PTPRH: variants seen among roughly 807,000 people sequenced by gnomAD.
PTPRH encodes the protein protein tyrosine phosphatase receptor type H, also known as receptor-type tyrosine-protein phosphatase H.
PTPRH carries 113 observed loss-of-function variants against 130.2 expected under a neutral mutation model. The ratio of observed to expected loss-of-function variants is 0.87; its 90% CI spans 0.75 to 1.01. PTPRH has a LOEUF of 1.01. PTPRH is among the 50% of genes least tolerant of loss of function. PTPRH has a pLI of 0.00. For missense variants in PTPRH, 1,430 were observed against 1,425.0 expected, an observed-to-expected ratio of 1.00 and a Z score of -0.06; for synonymous variants, 556 against 577.9, an observed-to-expected ratio of 0.96 and a Z score of 0.54.
chr19:55,190,270 T>C (rs1360876938), intron 12 of PTPRH, among the ~76,000 whole-genome samples: 1 of 149,038 alleles, frequency 6.7e-6, no homozygotes, highest in Admixed American at 6.8e-5. Context: ...CTCGGGAGGC[T>C]GAGGCAGTAG....
At chr19:55,200,823 G>A (rs1432111704) in intron 6 of PTPRH, among the ~76,000 whole-genome samples, 1 of 152,014 alleles carries the variant, frequency 6.6e-6, no homozygotes, top group Non-Finnish European at 1.5e-5. Flanking sequence ...GGTGCCTGTA[G>A]TCCCAGCTAC....
chr19:55,190,870 C>G (rs969249323), intron 12 of PTPRH, among the ~76,000 whole-genome samples: 13 of 151,804 alleles, frequency 8.6e-5, no homozygotes, highest in Admixed American at 7.2e-4. Flanking sequence ...GAGACGGAGT[C>G]TCGATCTGTC....
At chr19:55,194,248 G>A in intron 10 of PTPRH, 7 of 1,289,770 alleles carry the variant, frequency 5.4e-6, no homozygotes, top group Non-Finnish European at 7.1e-6. Context: ...CAAGCCTATG[G>A]CCCATCTTCA....
Position 55,196,696 on chromosome 19 carries a change from C to G in PTPRH, c.2083G>C (p.Ala695Pro), listed in dbSNP as rs763172516. 6.2e-7 allele frequency: 1 copy of G among 1,614,138 alleles called. No individual in the cohort carries two copies. The highest frequency in any genetic ancestry group is 2.2e-5 in the East Asian group (1 of 44,862). Residue 695 changes from alanine (A) to proline (P), a missense_variant, in exon 10 of 20, where the codon GCC becomes CCC. Ala to Pro is a conservative substitution (Grantham distance 27). Transcript: ENST00000376350. ...IWSCPQGGYE[A>P]FELEVGGQRG... ...TGTCCTCCCACCTCCAACTCAAAGG[C>G]CTCGTAGCCTCCCTGGGGGCAGGAC...
rs994042021 is a variant in PTPRH, at chr19:55,200,392, C to G, written c.1264G>C (p.Glu422Gln). 1.2e-6 allele frequency: 2 copies of G among 1,614,080 alleles called. No homozygotes were observed. Among genetic ancestry groups the G allele is most frequent in the African/African-American group, 2.7e-5 (2 of 74,930 alleles). ...GTGCCACCACCGTCTCCAGTGTACT[C>G]TACCCAGTAGGTGTAGTCCTGAGGG... ...PYPQDYTYWV[E>Q]YTGDGGGTET... The change falls in exon 7 of 20, where the codon GAG becomes CAG. Residue 422 changes from glutamate (E) to glutamine (Q), a missense_variant. Glu to Gln is a conservative substitution (Grantham distance 29). Transcript: ENST00000376350.
intron 2 of PTPRH, 83 bp downstream of exon 2, chr19:55,207,083 C>T: frequency 6.3e-7 from 1 of 1,588,764 alleles, no homozygotes; most frequent in Middle Eastern, 1.7e-4. Context: ...ACCACTGGAC[C>T]CCACGGGGAC....
At chr19:55,192,665 C>T (rs1056482750) in intron 10 of PTPRH, among the ~76,000 whole-genome samples, 36 of 151,188 alleles carry the variant, frequency 2.4e-4, no homozygotes, top group Admixed American at 1.3e-3. Context: ...CATTCTCCTG[C>T]CTCAGCCTCC....
Position 55,209,355 on chromosome 19 carries a change from G to C in PTPRH, c.51+28C>G. ...TCAGACCTGGGAGTCCCTGCCTTGGGAGCCCGCTCTGGGCGGGGAGCACTT... is the reference window on the plus strand; with the variant it reads ...TCAGACCTGGGAGTCCCTGCCTTGGCAGCCCGCTCTGGGCGGGGAGCACTT... On this transcript the variant is annotated intron_variant, in intron 1 of 19. Transcript: ENST00000376350. This position sits in a 1 kb window ranked among gnomAD's most constrained non-coding sequence, Gnocchi z 4.1. 6 of 1,557,048 alleles carry C rather than the reference G, an allele frequency of 3.9e-6. No homozygotes were observed. The highest frequency in any genetic ancestry group is 5.2e-6 in the Non-Finnish European group (6 of 1,149,538).
At chr19:55,192,966 C>T (rs10414363) in intron 10 of PTPRH, among the ~76,000 whole-genome samples, 1 of 151,848 alleles carries the variant, frequency 6.6e-6, no homozygotes, top group Non-Finnish European at 1.5e-5. Context: ...TGGTGGCTCA[C>T]CCCTGTAATC....
chr19:55,196,860 G>C, intron 9 of PTPRH, 72 bp from the exon 10 acceptor site: 1 of 1,541,862 alleles, frequency 6.5e-7, no homozygotes, highest in Non-Finnish European at 8.8e-7. Context: ...CCTACCCCCA[G>C]TTTTCTGAGA....
intron 12 of PTPRH, among the ~76,000 whole-genome samples, chr19:55,189,010 G>C (rs1390458178): frequency 6.6e-6 from 1 of 152,178 alleles, no homozygotes; most frequent in African/African-American, 2.4e-5. Context: ...TTCCGAGAAA[G>C]AGTCTCATCC....
In PTPRH at chr19:55,209,231, C is replaced by T. The variant is rs1162956562; in HGVS notation, c.51+152G>A. ...CTAAGAGCCCAGGTGTAAGACTCTC[C>T]TACAGTCTCTGCCAAGCCTGAAGCC... is the stretch of plus-strand genomic sequence containing the variant. On this transcript the variant is annotated intron_variant, in intron 1 of 19. Transcript: ENST00000376350. The surrounding 1 kb of genome is among the most constrained non-coding windows in gnomAD (Gnocchi z 4.1). 2.8e-6 allele frequency: 2 copies of T among 719,764 alleles called. No homozygotes were observed. Among genetic ancestry groups the T allele is most frequent in the East Asian group, 2.7e-5 (1 of 37,310 alleles). 44.6% of individuals were successfully genotyped at this position (719,764 alleles called of 1,614,324 possible).
Position 55,203,839 on chromosome 19 carries a change from C to G in PTPRH, c.829G>C (p.Val277Leu). 1 of 1,614,096 alleles carries G rather than the reference C, an allele frequency of 6.2e-7. No individual in the cohort carries two copies. Among genetic ancestry groups the G allele is most frequent in the Non-Finnish European group, 8.5e-7 (1 of 1,179,954 alleles). Residue 277 changes from valine to leucine, a missense_variant, in exon 5 of 20, where the codon GTG becomes CTG. By Grantham distance (32) the Val-to-Leu change is conservative. Transcript: ENST00000376350. ...LGPGSLYTCS[V>L]WVEKDGVNSS... ...TTTACTCCGTCTTTCTCCACCCACA[C>G]AGAACACGTATACAATGACCCGGGT...
At position 55,198,747 on chromosome 19, in the gene PTPRH, T is replaced by C. The variant is rs767788257; in HGVS notation, c.1586A>G (p.Asp529Gly). 6.2e-6 allele frequency: 10 copies of C among 1,614,018 alleles called. No homozygotes were observed. In the Admixed American group the frequency reaches 1.7e-4, roughly 27 times the overall value. Residue 529 changes from aspartate to glycine, a missense_variant, in exon 8 of 20, where the codon GAC (aspartate) becomes GGC (glycine). Coordinates refer to ENST00000376350, the MANE Select transcript of PTPRH (RefSeq NM_002842.5). ...DPRTQSTSGT[D>G]ITLKELEAGS... ...AGCTTCCAGTTCCTTTAGGGTGATG[T>C]CAGTACCTGAGGTGCTTTGGGTCCT...
chr19:55,195,892 C>T (rs909332767), intron 10 of PTPRH, among the ~76,000 whole-genome samples: 6 of 151,820 alleles, frequency 4.0e-5, no homozygotes, highest in East Asian at 3.9e-4. Context: ...TTTAATGAAA[C>T]GTCCCAGAGA....
chr19:55,209,317 A>C lies in PTPRH; in HGVS notation c.51+66T>G. 3.6e-6 allele frequency: 5 copies of C among 1,398,012 alleles called. No individual in the cohort carries two copies. The South Asian group carries it at 6.2e-5, about 17-fold the overall frequency. The allele number at this position is 1,398,012 out of a possible 1,614,324, so 86.6% of individuals were successfully genotyped here. A position where few individuals can be genotyped will look rare whatever the true frequency, so the allele number is the denominator to read the frequency against. On this transcript the variant is annotated intron_variant, in intron 1 of 19. Coordinates refer to ENST00000376350, the MANE Select transcript of PTPRH (RefSeq NM_002842.5). This position sits in a 1 kb window ranked among gnomAD's most constrained non-coding sequence, Gnocchi z 4.1. ...CCTCAAGATCGAGGTGCAGGCACCC[A>C]GCTCCTTCTCCCTCAGACCTGGGAG...
chr19:55,185,653 G>A lies in PTPRH; in HGVS notation c.2911C>T (p.Gln971Ter). Residue 971 changes from glutamine (Q) to a stop codon, truncating the protein, a stop_gained, in exon 18 of 20, where the codon CAG becomes TAG. Transcript: ENST00000376350. LOFTEE classifies it high-confidence loss of function. ...RELLLLQVEE[Q>*]KTLSVRQFHY... Reference sequence around the variant, plus strand: ...AATTGGCGCACAGACAGTGTCTTCTGCTCCTCCACCTGGAAGGAGGGAGCA... The same window carrying A: ...AATTGGCGCACAGACAGTGTCTTCTACTCCTCCACCTGGAAGGAGGGAGCA... 2.5e-6 allele frequency: 4 copies of A among 1,614,030 alleles called. No individual in the cohort carries two copies. The highest frequency in any genetic ancestry group is 3.4e-6 in the Non-Finnish European group (4 of 1,179,948).
intron 6 of PTPRH, 140 bp from the exon 7 acceptor site, chr19:55,200,642 C>T (rs1049510264): frequency 9.0e-6 from 9 of 998,156 alleles, no homozygotes; most frequent in African/African-American, 3.3e-5. Flanking sequence ...TGTTCTAGAC[C>T]GTGTTTCTCA....
chr19:55,185,097 T>G (rs1303687373), intron 18 of PTPRH, among the ~76,000 whole-genome samples: 1 of 151,558 alleles, frequency 6.6e-6, no homozygotes, highest in Non-Finnish European at 1.5e-5. Context: ...CGGGTTCAAG[T>G]GATTCTCCTG....
Sources: gnomAD v4.1 joint callset for allele counts (sites outside exome capture counted in the v4.1 genomes callset) on GRCh38, gnomAD v4.1.1 for gene constraint, Gnocchi (gnomAD v3.1) non-coding constraint, MANE v1.5 for transcripts, NCBI Gene and HGNC (gene_info 2026-07-23, HGNC 2026-07-21) for gene names.